The following UNC13A variants were observed in gnomAD, a reference collection of about 807,000 sequenced individuals.
The protein encoded by UNC13A is protein unc-13 homolog A.
A neutral mutation model predicts 219.7 loss-of-function variants in UNC13A; 61 were observed. The observed-to-expected ratio is 0.28, with a 90% confidence interval of 0.23 to 0.34. The LOEUF (loss-of-function observed/expected upper bound fraction) is 0.34, where lower values mean the gene tolerates loss of function less well. UNC13A is among the 10% of genes least tolerant of loss of function. UNC13A has a pLI of 1.00. For synonymous variants in UNC13A, 920 were observed against 884.6 expected (o/e 1.04, Z -0.71); for missense variants, 1,476 against 2,270.3 (o/e 0.65, Z 7.11).
chr19:17,656,948 G>A (rs574504045), intron 9 of UNC13A, among the ~76,000 whole-genome samples: 6 of 151,726 alleles, frequency 4.0e-5, no homozygotes, highest in Admixed American at 1.3e-4. Context: ...CAGGGTCAGC[G>A]CCATCACCAC....
chr19:17,675,294 A>G (rs1305072130), intron 2 of UNC13A, among the ~76,000 whole-genome samples: 2 of 152,000 alleles, frequency 1.3e-5, no homozygotes, highest in African/African-American at 4.8e-5. Context: ...TGATTGCACC[A>G]CGGCACTCCA....
Position 17,621,863 on chromosome 19 carries a change from AG to A in UNC13A, c.4210del (p.Leu1404SerfsTer2). The A allele has an allele frequency of 1.2e-6, 2 of 1,613,956 alleles. No individual in the cohort carries two copies. Among genetic ancestry groups the A allele is most frequent in the Non-Finnish European group, 1.7e-6 (2 of 1,179,874 alleles). On this transcript the variant is annotated frameshift_variant, in exon 37 of 44. Transcript: ENST00000519716. LOFTEE classifies it high-confidence loss of function. ...PLTDQTMIGN[L>X]LRKHGKGLEK... The stretch of plus-strand genomic sequence containing the variant: ...TAATCCCTTGCCATGTTTTCTCAAG[AG>A]GTTCCCCTGCAGAGATAATGTCACA...
At chr19:17,687,014 G>A in intron 1 of UNC13A, among the ~76,000 whole-genome samples, 1 of 152,220 alleles carries the variant, frequency 6.6e-6, no homozygotes, top group East Asian at 1.9e-4. Context: ...GGGAGTGACG[G>A]GGGGACCCCA....
intron 1 of UNC13A, among the ~76,000 whole-genome samples, chr19:17,680,868 T>C (rs1447423403): frequency 1.8e-5 from 2 of 109,416 alleles, no homozygotes; most frequent in Non-Finnish European, 4.1e-5. Context: ...TTCTTCTTCT[T>C]CTTTTTTTTT....
chr19:17,629,176 G>T, intron 31 of UNC13A, 64 bp downstream of exon 31: 2 of 1,419,686 alleles, frequency 1.4e-6, no homozygotes. Flanking sequence ...CTGGGGAGAA[G>T]GGAGTCCTGG....
Position 17,674,824 on chromosome 19 carries a change from A to G in UNC13A, c.53-68T>C. The stretch of plus-strand genomic sequence containing the variant: ...TCTCCAATGCCCCTTCCCAAGCTCT[A>G]GACCATCTGCTGTGATCCCCTCAGG... On this transcript the variant is annotated intron_variant, in intron 2 of 43. Transcript: ENST00000519716. The surrounding 1 kb of genome is among the most constrained non-coding windows in gnomAD (Gnocchi z 5.0). 1 of 1,355,692 alleles carries G rather than the reference A, an allele frequency of 7.4e-7. No homozygotes were observed. The highest frequency in any genetic ancestry group is 1.2e-5 in the South Asian group (1 of 85,284). 84.0% of individuals were successfully genotyped at this position (1,355,692 alleles called of 1,614,324 possible). A position where few individuals can be genotyped will look rare whatever the true frequency, so the allele number is the denominator to read the frequency against.
rs1356509773 is a variant in UNC13A at position 17,605,041 on chromosome 19, T to C, written c.*1013A>G. On this transcript the variant is annotated 3_prime_UTR_variant, in exon 44 of 44. Transcript: ENST00000519716. ...GCCCTCATGGCATCCCCCATGGAGA[T>C]CCCAGGAGAAAGGGCTGAGGGCAAA... 6.6e-6 allele frequency: 1 copy of C among 152,522 alleles called. No homozygotes were observed. Among genetic ancestry groups the C allele is most frequent in the Non-Finnish European group, 1.5e-5 (1 of 68,040 alleles). 9.4% of individuals were successfully genotyped at this position (152,522 alleles called of 1,614,324 possible).
chr19:17,608,106 G>GCGCCATCTTGGGT (rs2144909097), intron 43 of UNC13A, among the ~76,000 whole-genome samples: 1 of 149,240 alleles, frequency 6.7e-6, no homozygotes, highest in Admixed American at 6.8e-5. Flanking sequence ...GACTGCAGTA[G>GCGCCATCTTGGGT]CGCCATCTTG....
Position 17,627,579 on chromosome 19 carries a change from C to T in UNC13A, c.3850G>A (p.Asp1284Asn). ...TTCACCTGAAGCTCCTTCAGGATGT[C>T]ACTGGCTTCAGCATCCAGCTAAGGA... Reference protein sequence around the residue: ...GGKELDAEASDILKELQVKLN... With the variant: ...GGKELDAEASNILKELQVKLN... The change falls in exon 33 of 44, where the codon GAC becomes AAC. Residue 1284 changes from aspartate to asparagine, a missense_variant. Physicochemically the swap from Asp to Asn is conservative, Grantham distance 23. Around this residue, in one of 14 missense-constraint regions of UNC13A, gnomAD observed 218 missense variants for 409.4 expected, o/e 0.53. Coordinates refer to ENST00000519716, the MANE Select transcript of UNC13A (RefSeq NM_001080421.3). This position sits in a 1 kb window ranked among gnomAD's most constrained non-coding sequence, Gnocchi z 4.7. 6.4e-7 allele frequency: 1 copy of T among 1,560,788 alleles called. No homozygotes were observed. The highest frequency in any genetic ancestry group is 8.7e-7 in the Non-Finnish European group (1 of 1,151,474).
chr19:17,620,407 C>T (rs945653068), intron 38 of UNC13A, among the ~76,000 whole-genome samples: 4 of 152,166 alleles, frequency 2.6e-5, no homozygotes, highest in Non-Finnish European at 5.9e-5. Flanking sequence ...TCTTACAAGG[C>T]ACAGTTACTC....
In UNC13A at chr19:17,620,683, C is replaced by A. The variant is rs2076719985; in HGVS notation, c.4272+10G>T. ...TGGGAGCCAGACAGACAGTGAGAGG[C>A]CGGTCTTACGTCTGAGTGGCTTGGC... On this transcript the variant is annotated intron_variant, in intron 38 of 43. Coordinates refer to ENST00000519716, the MANE Select transcript of UNC13A (RefSeq NM_001080421.3). The A allele has an allele frequency of 1.9e-6, 3 of 1,612,412 alleles. No individual in the cohort carries two copies. Among genetic ancestry groups the A allele is most frequent in the African/African-American group, 1.3e-5 (1 of 74,858 alleles).
rs10583159 is a variant in UNC13A at position 17,603,797 on chromosome 19, ATT to A, written c.*2255_*2256del. On this transcript the variant is annotated 3_prime_UTR_variant, in exon 44 of 44. Coordinates refer to ENST00000519716, the MANE Select transcript of UNC13A (RefSeq NM_001080421.3). Reference sequence around the variant, plus strand: ...GCCCTAGAGCTCATCTAAGGGCAGGATTTTTTTTTTTTTTTGGTGGGGTAGAG... The same window carrying A: ...GCCCTAGAGCTCATCTAAGGGCAGGATTTTTTTTTTTTTGGTGGGGTAGAG... 24,619 of 145,594 alleles carry A rather than the reference ATT, an allele frequency of 0.17. 2,520 individuals carry two copies. Among genetic ancestry groups the A allele is most frequent in the Non-Finnish European group, 0.25 (16,367 of 66,460 alleles). 9.0% of individuals were successfully genotyped at this position (145,594 alleles called of 1,614,324 possible).
chr19:17,647,090 C>T (rs953270097), intron 17 of UNC13A, among the ~76,000 whole-genome samples, 175 bp downstream of exon 17: 3 of 152,198 alleles, frequency 2.0e-5, no homozygotes, highest in African/African-American at 7.2e-5. Context: ...CATGAACAGG[C>T]GTTTGGAGGC....
chr19:17,666,881 CGAG>C (rs2079658952), intron 6 of UNC13A, among the ~76,000 whole-genome samples, 177 bp from the exon 7 acceptor site: 5 of 115,114 alleles, frequency 4.3e-5, no homozygotes, highest in Non-Finnish European at 9.1e-5. Context: ...CACACACACA[CGAG>C]AGAGAGAGAG....
At chr19:17,613,210 T>C (rs2076623103) in intron 41 of UNC13A, among the ~76,000 whole-genome samples, 1 of 151,422 alleles carries the variant, frequency 6.6e-6, no homozygotes, top group Non-Finnish European at 1.5e-5. Flanking sequence ...CCAGCCTGGG[T>C]GACAGAGAGA....
At chr19:17,630,617 G>A (rs772873636) in intron 29 of UNC13A, 37 bp downstream of exon 29, 1 of 1,607,824 alleles carries the variant, frequency 6.2e-7, no homozygotes, top group East Asian at 2.2e-5. Context: ...ACCCCAGTGG[G>A]AAGATTAGGA....
At chr19:17,647,581 C>T (rs142411173) in intron 16 of UNC13A, 89 bp from the exon 17 acceptor site, 22 of 1,317,850 alleles carry the variant, frequency 1.7e-5, no homozygotes, top group Non-Finnish European at 2.1e-5. Context: ...ACTCATCAAC[C>T]GGGGGGACTC....
intron 12 of UNC13A, 121 bp downstream of exon 12, chr19:17,652,510 A>C: frequency 3.2e-6 from 4 of 1,269,780 alleles, no homozygotes; most frequent in Non-Finnish European, 4.6e-6. Flanking sequence ...GCCCAAGCTC[A>C]ATCTGTCCCC....
intron 41 of UNC13A, chr19:17,616,551 G>T: frequency 1.6e-6 from 1 of 635,742 alleles, no homozygotes. Flanking sequence ...GAGGATGGAG[G>T]AGTGTGTGTG....
Sources: allele counts gnomAD v4.1 joint callset (sites outside exome capture counted in the v4.1 genomes callset), GRCh38; gene constraint gnomAD v4.1.1; regional missense constraint gnomAD v4.1.1; non-coding constraint Gnocchi (gnomAD v3.1); transcripts MANE v1.5; gene names NCBI Gene and HGNC (gene_info 2026-07-23, HGNC 2026-07-21).